The following PACRG variants were observed in gnomAD, a reference collection of about 807,000 sequenced individuals.
PACRG encodes parkin coregulated.
Under a neutral mutation model 29.7 loss-of-function variants are expected in PACRG, and 29 were observed. The ratio of observed to expected loss-of-function variants is 0.98; its 90% CI spans 0.73 to 1.33. The LOEUF is 1.33. Among genes scored for constraint, PACRG ranks in the 40% most tolerant of loss-of-function variants. The pLI is 0.00. For synonymous variants in PACRG, 116 were observed against 118.7 expected (o/e 0.98, Z 0.15); for missense variants, 279 against 316.2 (o/e 0.88, Z 0.89).
chr6:163,078,089 G>A (rs532215254), intron 3 of PACRG, among the ~76,000 whole-genome samples: 33 of 152,324 alleles, frequency 2.2e-4, no homozygotes, highest in Admixed American at 1.2e-3. Context: ...CTAGTGTAAT[G>A]TGATGTTGAG....
intron 2 of PACRG, among the ~76,000 whole-genome samples, chr6:162,933,947 A>G (rs1588787): frequency 0.53 from 80,694 of 151,910 alleles, 22,158 homozygotes; most frequent in Middle Eastern, 0.7. Context: ...TTTAACAACC[A>G]GCCTTCACAT....
intron 1 of PACRG, among the ~76,000 whole-genome samples, chr6:162,792,954 G>A (rs577707099): frequency 6.6e-6 from 1 of 152,286 alleles, no homozygotes; most frequent in South Asian, 2.1e-4. Flanking sequence ...GGTCTGGAGA[G>A]TGCTGAGGTA....
At chr6:163,140,307 G>C (rs1817101632) in intron 4 of PACRG, among the ~76,000 whole-genome samples, 1 of 152,158 alleles carries the variant, frequency 6.6e-6, no homozygotes, top group Non-Finnish European at 1.5e-5. Flanking sequence ...GGCCTCCTGA[G>C]ATCTCAGTTG....
chr6:163,210,697 A>C (rs1781100747), intron 4 of PACRG, among the ~76,000 whole-genome samples: 1 of 152,248 alleles, frequency 6.6e-6, no homozygotes, highest in African/African-American at 2.4e-5. Context: ...TGCTGAGAAC[A>C]AAATAATTTC....
At chr6:162,921,393 A>G (rs1025577035) in intron 2 of PACRG, among the ~76,000 whole-genome samples, 6 of 152,158 alleles carry the variant, frequency 3.9e-5, no homozygotes, top group Non-Finnish European at 1.5e-5. Context: ...AAGCCTCACT[A>G]TATCCTTATC....
chr6:162,787,582 G>GTATATATA lies in PACRG; in HGVS notation c.157-26533_157-26526dup, dbSNP rs869254835. Among the ~76,000 whole-genome samples, 213 of 62,292 alleles carry GTATATATA rather than the reference G, an allele frequency of 3.4e-3. 1 individual carries two copies. Among genetic ancestry groups the GTATATATA allele is most frequent in the East Asian group, 0.014 (12 of 870 alleles). The allele number at this position is 62,292 out of a possible 152,430, so 40.9% of individuals were successfully genotyped here. ...ATTGTGTGTGTGTGTGTGTGTGTGT[G>GTATATATA]TATATATATATATATATATATATAT... On this transcript the variant is annotated intron_variant, in intron 1 of 4. Coordinates refer to ENST00000366888, the MANE Select transcript of PACRG (RefSeq NM_001080379.2).
chr6:163,313,172 T>C (rs9346956), intron 4 of PACRG, among the ~76,000 whole-genome samples: 79,579 of 151,472 alleles, frequency 0.53, 21,576 homozygotes, highest in Middle Eastern at 0.67. Context: ...AAATTGAAAT[T>C]CAGCTTTACC....
intron 4 of PACRG, among the ~76,000 whole-genome samples, chr6:163,112,550 TC>T (rs1241473690): frequency 2.6e-5 from 4 of 152,142 alleles, no homozygotes; most frequent in African/African-American, 9.7e-5. Flanking sequence ...ACCCCCTTTT[TC>T]TTTTTTTCTC....
At chr6:162,785,508 C>T (rs1032493301) in intron 1 of PACRG, among the ~76,000 whole-genome samples, 1 of 150,532 alleles carries the variant, frequency 6.6e-6, no homozygotes, top group Non-Finnish European at 1.5e-5. Flanking sequence ...GATCAGTGGT[C>T]TGCAACCTAT....
chr6:162,979,507 CAGA>C (rs1802233236), intron 2 of PACRG, among the ~76,000 whole-genome samples: 1 of 152,110 alleles, frequency 6.6e-6, no homozygotes, highest in Non-Finnish European at 1.5e-5. Flanking sequence ...CTTGGCTGTG[CAGA>C]AGAAGCTTTT....
chr6:163,300,149 T>C (rs936300012), intron 4 of PACRG, among the ~76,000 whole-genome samples: 9 of 152,090 alleles, frequency 5.9e-5, no homozygotes, highest in African/African-American at 1.9e-4. Flanking sequence ...CCTCTGGAGG[T>C]TTACATTGTC....
At chr6:163,220,836 CCTGGATTT>C (rs1204692451) in intron 4 of PACRG, among the ~76,000 whole-genome samples, 8 of 152,126 alleles carry the variant, frequency 5.3e-5, no homozygotes, top group Non-Finnish European at 1.5e-5. Flanking sequence ...TAAGAGCTTA[CCTGGATTT>C]CTTTGTTAAA....
At chr6:163,249,078 T>C (rs1782805908) in intron 4 of PACRG, among the ~76,000 whole-genome samples, 1 of 145,178 alleles carries the variant, frequency 6.9e-6, no homozygotes, top group Non-Finnish European at 1.5e-5. Flanking sequence ...ATGAAACCAA[T>C]AGAAAGTCGG....
intron 1 of PACRG, among the ~76,000 whole-genome samples, chr6:162,787,378 CAT>C (rs1281804571): frequency 6.6e-6 from 1 of 151,208 alleles, no homozygotes; most frequent in Non-Finnish European, 1.5e-5. Flanking sequence ...TTTCTCCAAA[CAT>C]GTAAAAAAAC....
At chr6:162,969,189 A>T (rs1311083326) in intron 2 of PACRG, among the ~76,000 whole-genome samples, 1 of 152,094 alleles carries the variant, frequency 6.6e-6, no homozygotes, top group Non-Finnish European at 1.5e-5. Context: ...TCATCTTAGG[A>T]ATGTCAGAAT....
intron 4 of PACRG, among the ~76,000 whole-genome samples, chr6:163,150,250 A>G (rs1479909560): frequency 6.6e-6 from 1 of 152,190 alleles, no homozygotes; most frequent in Non-Finnish European, 1.5e-5. Context: ...GAGTGTTGTG[A>G]GGATTCAGTA....
intron 2 of PACRG, among the ~76,000 whole-genome samples, chr6:163,054,554 T>C (rs753734330): frequency 9.9e-5 from 15 of 152,212 alleles, no homozygotes; most frequent in Non-Finnish European, 1.6e-4. Flanking sequence ...GGACTTTTCC[T>C]TAGTTCGGCT....
At chr6:163,108,392 CTTTTTTTTTTTTTT>C (rs528887997) in intron 4 of PACRG, among the ~76,000 whole-genome samples, 11 of 90,540 alleles carry the variant, frequency 1.2e-4, no homozygotes, top group African/African-American at 3.9e-4. Flanking sequence ...TTCTCTTTCC[CTTTTTTTTTTTTTT>C]TTTTTTTTTT....
At chr6:162,981,813 G>A (rs1802456968) in intron 2 of PACRG, among the ~76,000 whole-genome samples, 4 of 151,562 alleles carry the variant, frequency 2.6e-5, no homozygotes, top group Admixed American at 2.6e-4. Flanking sequence ...GTTGTGAAAG[G>A]GGTTGAGTTC....
Sources: gnomAD v4.1 joint callset for allele counts (sites outside exome capture counted in the v4.1 genomes callset) on GRCh38, gnomAD v4.1.1 for gene constraint, MANE v1.5 for transcripts, NCBI Gene and HGNC (gene_info 2026-07-23, HGNC 2026-07-21) for gene names.